XKR4: variants seen among roughly 807,000 people sequenced by gnomAD.
XKR4 encodes XK related 4, also known as XK-related protein 4.
A neutral mutation model predicts 53.9 loss-of-function variants in XKR4; 12 were observed. That is an observed-to-expected ratio of 0.22 (90% confidence interval 0.14 to 0.36). The LOEUF (loss-of-function observed/expected upper bound fraction) is 0.36, where lower values mean the gene tolerates loss of function less well. Among genes scored for constraint, XKR4 ranks in the 10% least tolerant of loss-of-function variants. The probability of loss-of-function intolerance (pLI) is 1.00; values close to 1 mark genes in which losing one functional copy is unlikely to be tolerated. For missense variants in XKR4, 799 were observed against 859.5 expected, an observed-to-expected ratio of 0.93 and a Z score of 0.88; for synonymous variants, 354 against 362.4, an observed-to-expected ratio of 0.98 and a Z score of 0.26.
At chr8:55,290,815 T>A (rs1299523408) in intron 1 of XKR4, among the ~76,000 whole-genome samples, 1 of 152,192 alleles carries the variant, frequency 6.6e-6, no homozygotes, top group East Asian at 1.9e-4. Context: ...TTAAATATTT[T>A]TTCCCAGACT....
chr8:55,165,889 A>C (rs1817058648), intron 1 of XKR4, among the ~76,000 whole-genome samples: 1 of 152,194 alleles, frequency 6.6e-6, no homozygotes. Context: ...GGAAAATAGG[A>C]TGTCAATGCT....
chr8:55,493,712 AG>A (rs1484117882), intron 2 of XKR4, among the ~76,000 whole-genome samples: 10 of 152,364 alleles, frequency 6.6e-5, no homozygotes, highest in African/African-American at 2.4e-4. Context: ...TGGCATGAAA[AG>A]TCAACCTATA....
intron 2 of XKR4, among the ~76,000 whole-genome samples, chr8:55,369,690 G>T (rs1248250277): frequency 6.6e-6 from 1 of 151,870 alleles, no homozygotes; most frequent in African/African-American, 2.4e-5. Context: ...CATTAAAATA[G>T]AATCAATATT....
chr8:55,127,042 C>T (rs1459068714), intron 1 of XKR4, among the ~76,000 whole-genome samples: 3 of 152,230 alleles, frequency 2.0e-5, no homozygotes, highest in East Asian at 1.9e-4. Context: ...TCATACATAG[C>T]AAGTGATGAG....
In XKR4 at chr8:55,427,714, G is replaced by A. The variant is rs185110641; in HGVS notation, c.1006+69837G>A. On this transcript the variant is annotated intron_variant, in intron 2 of 2. Transcript: ENST00000327381. ...ACTAAATAGTAGACTTTTATTTCAA[G>A]AGCAAATCTGCCTCAACAGATGTCT... 2.0e-5 allele frequency among the ~76,000 whole-genome samples: 3 copies of A among 152,298 alleles called. No homozygotes were observed. In the East Asian group the frequency reaches 5.8e-4, roughly 29 times the overall value.
At chr8:55,365,175 G>A (rs144676838) in intron 2 of XKR4, among the ~76,000 whole-genome samples, 22 of 152,338 alleles carry the variant, frequency 1.4e-4, no homozygotes, top group African/African-American at 5.0e-4. Context: ...GCCCTGGGAT[G>A]TGGAGCATGA....
At chr8:55,490,261 T>G (rs140260436) in intron 2 of XKR4, among the ~76,000 whole-genome samples, 1 of 152,314 alleles carries the variant, frequency 6.6e-6, no homozygotes, top group African/African-American at 2.4e-5. Flanking sequence ...AATAAAATGA[T>G]GTAAAATGAT....
At chr8:55,265,115 C>T (rs150669174) in intron 1 of XKR4, among the ~76,000 whole-genome samples, 1 of 152,190 alleles carries the variant, frequency 6.6e-6, no homozygotes, top group African/African-American at 2.4e-5. Context: ...CACCCTTATC[C>T]TGTCAAGGAG....
At chr8:55,474,547 C>T (rs938077849) in intron 2 of XKR4, among the ~76,000 whole-genome samples, 3 of 152,014 alleles carry the variant, frequency 2.0e-5, no homozygotes, top group Non-Finnish European at 4.4e-5. Context: ...AGTGAAATGT[C>T]ATCTAGTATT....
At chr8:55,454,584 C>A in intron 2 of XKR4, 1 of 1,429,116 alleles carries the variant, frequency 7.0e-7, no homozygotes. Context: ...TCTGGATGAC[C>A]TGCCGGTCAC....
chr8:55,364,368 G>C (rs989450644), intron 2 of XKR4, among the ~76,000 whole-genome samples: 1 of 152,152 alleles, frequency 6.6e-6, no homozygotes, highest in African/African-American at 2.4e-5. Flanking sequence ...GCTCATCATC[G>C]CGAGACTCCT....
intron 1 of XKR4, among the ~76,000 whole-genome samples, chr8:55,176,494 C>G (rs765951246): frequency 6.6e-6 from 1 of 152,066 alleles, no homozygotes; most frequent in Non-Finnish European, 1.5e-5. Context: ...GGAAAACTTT[C>G]CAGTTAAATC....
chr8:55,168,537 C>T (rs773810462), intron 1 of XKR4, among the ~76,000 whole-genome samples: 7 of 152,140 alleles, frequency 4.6e-5, no homozygotes, highest in Non-Finnish European at 8.8e-5. Flanking sequence ...AAATGTCACT[C>T]GCATTAAAAT....
At chr8:55,144,967 G>A (rs992939631) in intron 1 of XKR4, among the ~76,000 whole-genome samples, 2 of 151,996 alleles carry the variant, frequency 1.3e-5, no homozygotes, top group African/African-American at 4.8e-5. Context: ...AAGTAGCTGG[G>A]ATTGTGGGTG....
At chr8:55,521,169 A>G (rs890941049) in intron 2 of XKR4, among the ~76,000 whole-genome samples, 7 of 152,238 alleles carry the variant, frequency 4.6e-5, no homozygotes, top group African/African-American at 1.7e-4. Context: ...GTTTAAAAGC[A>G]CAAAGGGAGC....
At chr8:55,435,971 T>C (rs962245136) in intron 2 of XKR4, among the ~76,000 whole-genome samples, 7 of 152,182 alleles carry the variant, frequency 4.6e-5, no homozygotes, top group Non-Finnish European at 1.0e-4. Flanking sequence ...TGCAACATTT[T>C]CTGCACAGTG....
chr8:55,415,123 G>A (rs1804829157), intron 2 of XKR4, among the ~76,000 whole-genome samples: 1 of 152,150 alleles, frequency 6.6e-6, no homozygotes, highest in Admixed American at 6.5e-5. Flanking sequence ...ATCATGCAGA[G>A]GAAAGAAAAG....
intron 1 of XKR4, among the ~76,000 whole-genome samples, chr8:55,324,929 A>C (rs916844775): frequency 6.6e-6 from 1 of 152,150 alleles, no homozygotes; most frequent in African/African-American, 2.4e-5. Context: ...ATATTTTACC[A>C]CCTTTCTCAT....
At chr8:55,507,991 C>T (rs1806569573) in intron 2 of XKR4, among the ~76,000 whole-genome samples, 1 of 152,190 alleles carries the variant, frequency 6.6e-6, no homozygotes, top group South Asian at 2.1e-4. Flanking sequence ...CCTATTTCTG[C>T]ACGATTCTCA....
Sources: gnomAD v4.1 joint callset for allele counts (sites outside exome capture counted in the v4.1 genomes callset) on GRCh38, gnomAD v4.1.1 for gene constraint, MANE v1.5 for transcripts, NCBI Gene and HGNC (gene_info 2026-07-23, HGNC 2026-07-21) for gene names.